RALY: variants seen among roughly 807,000 people sequenced by gnomAD.
RALY encodes the protein RNA-binding protein Raly.
In RALY, 15 loss-of-function variants were observed where a neutral mutation model predicts 30.7. The ratio of observed to expected loss-of-function variants is 0.49; its 90% confidence interval spans 0.33 to 0.75. RALY has a LOEUF of 0.75. Among genes scored for constraint, RALY ranks in the 30% least tolerant of loss-of-function variants. The pLI is 0.02. For synonymous variants in RALY, 177 were observed against 170.8 expected, an observed-to-expected ratio of 1.04 and a Z score of -0.28; for missense variants, 339 against 414.3, an observed-to-expected ratio of 0.82 and a Z score of 1.58.
intron 5 of RALY, among the ~76,000 whole-genome samples, chr20:34,075,213 G>A (rs1355828971): frequency 6.6e-6 from 1 of 152,114 alleles, no homozygotes; most frequent in Non-Finnish European, 1.5e-5. Context: ...GAAGGATGTG[G>A]TGATTAAGGA....
intron 1 of RALY, among the ~76,000 whole-genome samples, chr20:34,003,689 G>C: frequency 6.9e-6 from 1 of 145,538 alleles, no homozygotes; most frequent in African/African-American, 2.7e-5. Context: ...GCCCAGGCTG[G>C]AGTGCAGTGG....
At chr20:34,028,369 A>AC (rs1896632182) in intron 1 of RALY, among the ~76,000 whole-genome samples, 1 of 152,038 alleles carries the variant, frequency 6.6e-6, no homozygotes, top group Non-Finnish European at 1.5e-5. Context: ...AAGAAGGGGA[A>AC]CAGGGGTACT....
At chr20:34,003,221 G>A (rs1419567170) in intron 1 of RALY, among the ~76,000 whole-genome samples, 1 of 152,182 alleles carries the variant, frequency 6.6e-6, no homozygotes, top group African/African-American at 2.4e-5. Flanking sequence ...GTAAACTGGA[G>A]ATGTCATCTT....
Position 34,082,155 on chromosome 20 carries a change from T to G in RALY, c.*2250T>G, listed in dbSNP as rs1393953898. 1 of 152,328 alleles carries G rather than the reference T, an allele frequency of 6.6e-6. No homozygotes were observed. The highest frequency in any genetic ancestry group is 1.5e-5 in the Non-Finnish European group (1 of 68,148). 9.4% of individuals were successfully genotyped at this position (152,328 alleles called of 1,614,324 possible). The stretch of plus-strand genomic sequence containing the variant: ...TGAAGAGCTCTCAGTGGAACATACT[T>G]CACCCATCCATGTACCCACATCTTT... On this transcript the variant is annotated 3_prime_UTR_variant, in exon 10 of 10. Coordinates refer to ENST00000246194, the MANE Select transcript of RALY (RefSeq NM_016732.3).
intron 1 of RALY, among the ~76,000 whole-genome samples, chr20:34,023,974 G>A (rs150803483): frequency 7.7e-4 from 118 of 152,268 alleles, no homozygotes; most frequent in African/African-American, 2.7e-3. Context: ...TCCAAGGCGG[G>A]CGGATCACCT....
intron 1 of RALY, among the ~76,000 whole-genome samples, chr20:33,995,064 G>A (rs1049289699): frequency 6.6e-6 from 1 of 152,070 alleles, no homozygotes. Context: ...AGTGCAGAGG[G>A]TATTTTTACC....
chr20:33,997,144 C>G (rs2030674586), intron 1 of RALY, among the ~76,000 whole-genome samples: 1 of 152,088 alleles, frequency 6.6e-6, no homozygotes, highest in Non-Finnish European at 1.5e-5. Context: ...GAGACGGAGT[C>G]TCACTCCGTC....
intron 2 of RALY, among the ~76,000 whole-genome samples, chr20:34,054,907 T>C (rs1004027053): frequency 4.6e-5 from 7 of 152,126 alleles, no homozygotes; most frequent in African/African-American, 1.4e-4. Flanking sequence ...CAATGTTGAG[T>C]ATGATATTTT....
At chr20:34,041,668 G>A (rs1002596941) in intron 2 of RALY, among the ~76,000 whole-genome samples, 1 of 152,170 alleles carries the variant, frequency 6.6e-6, no homozygotes, top group Non-Finnish European at 1.5e-5. Context: ...AGGGTGATAG[G>A]AGATATTTTT....
chr20:34,015,344 T>A (rs1007041288), intron 1 of RALY, among the ~76,000 whole-genome samples: 11 of 152,090 alleles, frequency 7.2e-5, no homozygotes, highest in African/African-American at 1.7e-4. Flanking sequence ...CCTTTTTTTT[T>A]AAATCTCCCC....
At chr20:34,078,145 G>C (rs1317149422) in intron 8 of RALY, among the ~76,000 whole-genome samples, 1 of 152,208 alleles carries the variant, frequency 6.6e-6, no homozygotes, top group Non-Finnish European at 1.5e-5. Context: ...ATTTTCTCAG[G>C]CATAGCAGTG....
At chr20:34,071,426 C>G (rs1022600059) in intron 2 of RALY, among the ~76,000 whole-genome samples, 3 of 151,932 alleles carry the variant, frequency 2.0e-5, no homozygotes, top group Non-Finnish European at 4.4e-5. Context: ...TACAGGTACC[C>G]GCCACCACGC....
chr20:33,994,354 C>G (rs1213293795), intron 1 of RALY: 1 of 152,730 alleles, frequency 6.5e-6, no homozygotes, highest in Non-Finnish European at 1.5e-5. Context: ...CCTCCGCGCC[C>G]GGTCCTGCTC....
chr20:34,021,728 G>T (rs1407446198), intron 1 of RALY, among the ~76,000 whole-genome samples: 2 of 152,034 alleles, frequency 1.3e-5, no homozygotes, highest in Non-Finnish European at 2.9e-5. Flanking sequence ...GCGTGACCTT[G>T]GGCCAGTCAC....
chr20:34,026,464 G>A (rs933394723), intron 1 of RALY, among the ~76,000 whole-genome samples: 2 of 151,532 alleles, frequency 1.3e-5, no homozygotes, highest in African/African-American at 2.4e-5. Flanking sequence ...GTGCAGTGGC[G>A]TGTTCTCGGC....
intron 1 of RALY, among the ~76,000 whole-genome samples, chr20:34,007,014 C>T (rs2031190511): frequency 6.6e-6 from 1 of 152,154 alleles, no homozygotes; most frequent in Non-Finnish European, 1.5e-5. Flanking sequence ...TCTTTGTCCT[C>T]TGTATTTTCT....
chr20:34,047,821 C>T (rs796659193), intron 2 of RALY, among the ~76,000 whole-genome samples: 11 of 152,252 alleles, frequency 7.2e-5, no homozygotes, highest in African/African-American at 2.4e-4. Flanking sequence ...TGATCTGTGG[C>T]TGTTAGCTCT....
intron 1 of RALY, among the ~76,000 whole-genome samples, chr20:34,021,389 G>A (rs551470893): frequency 2.6e-5 from 4 of 152,262 alleles, no homozygotes; most frequent in African/African-American, 7.2e-5. Flanking sequence ...TCAAGGGGCC[G>A]CCCGCATCTG....
intron 2 of RALY, among the ~76,000 whole-genome samples, chr20:34,035,690 G>A (rs1166886466): frequency 6.6e-6 from 1 of 152,152 alleles, no homozygotes; most frequent in Admixed American, 6.5e-5. Flanking sequence ...GAGTATTGGA[G>A]TGTCTGTCAT....
Sources: gnomAD v4.1 joint callset for allele counts (sites outside exome capture counted in the v4.1 genomes callset) on GRCh38, gnomAD v4.1.1 for gene constraint, MANE v1.5 for transcripts, NCBI Gene and HGNC (gene_info 2026-07-23, HGNC 2026-07-21) for gene names.